The following NOTCH3 variants were observed in gnomAD, a reference collection of about 807,000 sequenced individuals.
NOTCH3 encodes the protein neurogenic locus notch homolog protein 3.
NOTCH3 carries 86 observed loss-of-function variants against 213.3 expected under a neutral mutation model. The observed-to-expected ratio is 0.40, with a 90% confidence interval of 0.34 to 0.48. NOTCH3 has a LOEUF of 0.48. Among genes scored for constraint, NOTCH3 ranks in the 20% least tolerant of loss-of-function variants. The probability of loss-of-function intolerance (pLI) is 0.57; values close to 1 mark genes in which losing one functional copy is unlikely to be tolerated. For synonymous variants in NOTCH3, 1,354 were observed against 1,355.9 expected (o/e 1.00, Z 0.03); for missense variants, 2,783 against 3,272.6 (o/e 0.85, Z 3.65).
At position 15,160,687 on chromosome 19, in the gene NOTCH3, G is replaced by A. The variant is rs2145379392; in HGVS notation, c.6941C>T (p.Thr2314Ile). The change falls in exon 33 of 33, where the codon ACC (threonine) becomes ATC (isoleucine). Residue 2314 changes from threonine (T) to isoleucine (I), a missense_variant. Transcript: ENST00000263388. ...QTQLGPQPEV[T>I]PKRQVLA ...TCAGGCCAACACTTGCCTCTTGGGG[G>A]TAACTTCCGGCTGGGGCCCCAGCTG... 1.2e-6 allele frequency: 2 copies of A among 1,614,118 alleles called. No homozygotes were observed. The highest frequency in any genetic ancestry group is 1.3e-5 in the African/African-American group (1 of 75,058).
intron 23 of NOTCH3, chr19:15,178,350 CT>C: frequency 7.6e-6 from 4 of 523,662 alleles, no homozygotes; most frequent in Middle Eastern, 5.1e-4. Flanking sequence ...CATCCTCACC[CT>C]TTTCCCTTCA....
rs747386528 is a variant in NOTCH3, at chr19:15,181,674, C to T, written c.2694G>A (p.Pro898=). 30 of 1,555,328 alleles carry T rather than the reference C, an allele frequency of 1.9e-5. No homozygotes were observed. Among genetic ancestry groups the T allele is most frequent in the Non-Finnish European group, 2.5e-5 (29 of 1,149,234 alleles). ...VDECLSNPCG[P]GTCTDHVASF... is the part of the protein sequence containing the mutation. ...AGGCCACGTGGTCGGTACAGGTGCCCGGGCCGCAGGGGTTGCTCAGGCACT... is the reference window on the plus strand; with the variant it reads ...AGGCCACGTGGTCGGTACAGGTGCCTGGGCCGCAGGGGTTGCTCAGGCACT... Residue 898 remains proline, a synonymous_variant, in exon 17 of 33, where the codon CCG becomes CCA. Coordinates refer to ENST00000263388, the MANE Select transcript of NOTCH3 (RefSeq NM_000435.3).
chr19:15,160,925 A>C lies in NOTCH3; in HGVS notation c.6703T>G (p.Phe2235Val). ...GGGTGCTCACTGGGAACCCGCAGGA[A>C]GCGGGCCTTTGGGGGGCTGCTGTGT... ...GAHSSPPKAR[F>V]LRVPSEHPYL... Residue 2235 changes from phenylalanine to valine, a missense_variant, in exon 33 of 33, where the codon TTC becomes GTC. Physicochemically the swap from Phe to Val is conservative, Grantham distance 50 (BLOSUM62 -1). Transcript: ENST00000263388. 1.2e-6 allele frequency: 2 copies of C among 1,604,880 alleles called. No homozygotes were observed. The highest frequency in any genetic ancestry group is 2.7e-5 in the African/African-American group (2 of 74,864).
intron 1 of NOTCH3, among the ~76,000 whole-genome samples, chr19:15,199,271 G>A (rs1335538555): frequency 6.6e-6 from 1 of 152,142 alleles, no homozygotes; most frequent in Non-Finnish European, 1.5e-5. Context: ...GTGTGTGTAT[G>A]AGCTGCACAC....
chr19:15,197,441 G>GCGGCGC, intron 2 of NOTCH3, 59 bp downstream of exon 2: 1 of 768,364 alleles, frequency 1.3e-6, no homozygotes, highest in Non-Finnish European at 2.3e-6. Flanking sequence ...AAGACAAATC[G>GCGGCGC]CCCCTCCCCC....
In NOTCH3 at chr19:15,170,536, G is replaced by A; in HGVS notation, c.4909C>T (p.Pro1637Ser). Residue 1637 changes from proline to serine, a missense_variant, in exon 27 of 33, where the codon CCA (proline) becomes TCA (serine). Pro to Ser is a moderately conservative substitution (Grantham distance 74, BLOSUM62 -1). Transcript: ENST00000263388. ...RDVRGEPLEPPEPSVPLLPLL... is the reference protein window; with the variant it reads ...RDVRGEPLEPSEPSVPLLPLL... ...GGCAGCAGCGGGACGCTGGGTTCTG[G>A]AGGCTCCAGCGGCTCCCCTAAGAGC... 2.5e-6 allele frequency: 4 copies of A among 1,609,782 alleles called. No homozygotes were observed. In the African/African-American group the frequency reaches 5.3e-5, roughly 21 times the overall value.
chr19:15,178,200 G>T, intron 23 of NOTCH3, 110 bp from the exon 24 acceptor site: 1 of 653,014 alleles, frequency 1.5e-6, no homozygotes, highest in Admixed American at 2.8e-5. Flanking sequence ...GAGAGAGGGG[G>T]AAGAGAAGAG....
chr19:15,197,745 C>CAA (rs1297280912), intron 1 of NOTCH3, among the ~76,000 whole-genome samples, 167 bp from the exon 2 acceptor site: 1 of 33,062 alleles, frequency 3.0e-5, no homozygotes, highest in Non-Finnish European at 1.8e-4. Context: ...CCCCCCCCCC[C>CAA]CCCGCCCCAG....
rs1472990753 is a variant in NOTCH3, at chr19:15,175,532, C to T, written c.4404-1132G>A. 2.2e-4 allele frequency among the ~76,000 whole-genome samples: 3 copies of T among 13,456 alleles called. No individual in the cohort carries two copies. In the Admixed American group the frequency reaches 2.4e-3, roughly 11 times the overall value. The allele number at this position is 13,456 out of a possible 152,430, so 8.8% of individuals were successfully genotyped here. On this transcript the variant is annotated intron_variant, in intron 24 of 32. Transcript: ENST00000263388. ...CTGGGCAATGGGAGAGAAATCCTGT[C>T]TAAAAAAAAAAAAAAAAAAAATACA... is the stretch of plus-strand genomic sequence containing the variant.
Position 15,189,438 on chromosome 19 carries a change from GGTA to G in NOTCH3, c.1037-13_1037-11del. On this transcript the variant is annotated splice_polypyrimidine_tract_variant and intron_variant, in intron 6 of 32. Coordinates refer to ENST00000263388, the MANE Select transcript of NOTCH3 (RefSeq NM_000435.3). ...AGGTGACACAGGAGGCCTGGGAAGT[GGTA>G]AGCAGAAGTCATAGGCAGATCTTCC... 6.2e-7 allele frequency: 1 copy of G among 1,613,516 alleles called. No individual in the cohort carries two copies.
Position 15,192,414 on chromosome 19 carries a change from G to A in NOTCH3, c.303C>T (p.Thr101=), listed in dbSNP as rs3815188. The A allele has an allele frequency of 0.16, 260,104 of 1,611,970 alleles. 22,816 individuals carry two copies. The highest frequency in any genetic ancestry group is 0.37 in the East Asian group (16,768 of 44,830). The change falls in exon 3 of 33, where the codon ACC becomes ACT. Residue 101 remains threonine, a synonymous_variant. Transcript: ENST00000263388. Reference sequence around the variant, plus strand: ...GGGGGCACCGGCATGAGAATCGGGCGGTGCCAGCCACCACTGAACTCTGGC... The same window carrying A: ...GGGGGCACCGGCATGAGAATCGGGCAGTGCCAGCCACCACTGAACTCTGGC... ...GVCQSSVVAG[T]ARFSCRCPRG... is the part of the protein sequence containing the mutation.
intron 16 of NOTCH3, among the ~76,000 whole-genome samples, chr19:15,182,295 T>C (rs1244242761): frequency 6.6e-6 from 1 of 151,984 alleles, no homozygotes; most frequent in East Asian, 1.9e-4. Flanking sequence ...TCACTTGAGC[T>C]CAGGAGTTCG....
At chr19:15,169,230 C>CTCTCTCTCTCTCTCT (rs58789779) in intron 28 of NOTCH3, among the ~76,000 whole-genome samples, 2 of 139,882 alleles carry the variant, frequency 1.4e-5, no homozygotes, top group Admixed American at 7.2e-5. Context: ...CTCTCTCTCT[C>CTCTCTCTCTCTCTCT]CCCTCTGTGT....
chr19:15,197,711 G>A (rs1022075262), intron 1 of NOTCH3, 133 bp from the exon 2 acceptor site: 4 of 607,112 alleles, frequency 6.6e-6, no homozygotes, highest in African/African-American at 2.0e-5. Flanking sequence ...GGTGCAGGGA[G>A]TCCCCCCATC....
intron 31 of NOTCH3, among the ~76,000 whole-genome samples, chr19:15,162,866 C>T (rs2046657752): frequency 6.6e-6 from 1 of 151,922 alleles, no homozygotes; most frequent in Non-Finnish European, 1.5e-5. Context: ...AGGGTTGTGA[C>T]ATCCAATACA....
At position 15,160,212 on chromosome 19, in the gene NOTCH3, G is replaced by C. The variant is rs1329420985; in HGVS notation, c.*450C>G. ...GACTCAGCCCCACGGGGGCACTGGG[G>C]GGTTCACAGGGGGAGGGAGCATCTC... On this transcript the variant is annotated 3_prime_UTR_variant, in exon 33 of 33. Coordinates refer to ENST00000263388, the MANE Select transcript of NOTCH3 (RefSeq NM_000435.3). The C allele has an allele frequency of 4.1e-6, 1 of 241,406 alleles. No homozygotes were observed. The allele number at this position is 241,406 out of a possible 1,614,324, so 15.0% of individuals were successfully genotyped here.
chr19:15,172,662 C>T (rs1599371710), intron 25 of NOTCH3, among the ~76,000 whole-genome samples: 2 of 149,678 alleles, frequency 1.3e-5, no homozygotes, highest in Non-Finnish European at 3.0e-5. Flanking sequence ...TATATTTTTT[C>T]TTTTTCTTTT....
chr19:15,171,317 C>T (rs1178641485), intron 25 of NOTCH3, among the ~76,000 whole-genome samples: 1 of 151,660 alleles, frequency 6.6e-6, no homozygotes, highest in Non-Finnish European at 1.5e-5. Flanking sequence ...GCGTGAGCCG[C>T]CACTGTGCCT....
Position 15,200,830 on chromosome 19 carries a change from C to T in NOTCH3, c.76G>A (p.Ala26Thr). 1 of 1,199,648 alleles carries T rather than the reference C, an allele frequency of 8.3e-7. No homozygotes were observed. The highest frequency in any genetic ancestry group is 1.0e-6 in the Non-Finnish European group (1 of 955,684). The allele number at this position is 1,199,648 out of a possible 1,614,324, so 74.3% of individuals were successfully genotyped here. A position where few individuals can be genotyped will look rare whatever the true frequency, so the allele number is the denominator to read the frequency against. The change falls in exon 1 of 33, where the codon GCG becomes ACG. Residue 26 changes from alanine (A) to threonine (T), a missense_variant. Coordinates refer to ENST00000263388, the MANE Select transcript of NOTCH3 (RefSeq NM_000435.3). Reference protein sequence around the residue: ...SPPPPPPPVRALPLLLLLAGP... With the variant: ...SPPPPPPPVRTLPLLLLLAGP... ...GCTAGCAGCAGCAGCAGGGGCAGCG[C>T]CCGCACGGGTGGCGGTGGCGGTGGC...
Sources: allele counts gnomAD v4.1 joint callset (sites outside exome capture counted in the v4.1 genomes callset), GRCh38; gene constraint gnomAD v4.1.1; transcripts MANE v1.5; gene names NCBI Gene and HGNC (gene_info 2026-07-23, HGNC 2026-07-21).